SEMA6D: variants seen among roughly 807,000 people sequenced by gnomAD.
The protein encoded by SEMA6D is semaphorin 6D.
SEMA6D carries 35 observed loss-of-function variants against 106.6 expected under a neutral mutation model. The ratio of observed to expected loss-of-function variants is 0.33; its 90% confidence interval spans 0.25 to 0.44. The LOEUF (loss-of-function observed/expected upper bound fraction) is 0.44. SEMA6D is among the 20% of genes least tolerant of loss of function. The pLI is 1.00. For synonymous variants in SEMA6D, 499 were observed against 487.7 expected, an observed-to-expected ratio of 1.02 and a Z score of -0.31; for missense variants, 1,185 against 1,345.9, an observed-to-expected ratio of 0.88 and a Z score of 1.87.
At chr15:47,289,261 G>A (rs906449827) in intron 1 of SEMA6D, among the ~76,000 whole-genome samples, 1 of 151,738 alleles carries the variant, frequency 6.6e-6, no homozygotes, top group Non-Finnish European at 1.5e-5. Context: ...GGGTGTGGTG[G>A]CCTGCACCTG....
At chr15:47,299,451 TC>T (rs2035933387) in intron 1 of SEMA6D, among the ~76,000 whole-genome samples, 1 of 152,242 alleles carries the variant, frequency 6.6e-6, no homozygotes. Flanking sequence ...AATTTTGGAT[TC>T]CTTTTGGGTA....
chr15:47,500,689 C>G (rs774832881), intron 3 of SEMA6D, among the ~76,000 whole-genome samples: 1 of 152,124 alleles, frequency 6.6e-6, no homozygotes, highest in African/African-American at 2.4e-5. Flanking sequence ...AGTTGTAGAT[C>G]CATACTTTGA....
Position 47,764,991 on chromosome 15 carries a change from G to C in SEMA6D, c.1362G>C (p.Lys454Asn). The change falls in exon 13 of 19, where the codon AAG (lysine) becomes AAC (asparagine). Residue 454 changes from lysine (K) to asparagine (N), a missense_variant. By Grantham distance (94) the Lys-to-Asn change is moderately conservative (BLOSUM62 0). Transcript: ENST00000536845. ...EAGMVLKVLAKTSPFSLNDSV... is the reference protein window; with the variant it reads ...EAGMVLKVLANTSPFSLNDSV... ...GCATGGTACTTAAAGTTCTGGCAAA[G>C]ACCAGTCCTTTCTCTTTGAACGACA... 1 of 1,613,904 alleles carries C rather than the reference G, an allele frequency of 6.2e-7. No individual in the cohort carries two copies. Among genetic ancestry groups the C allele is most frequent in the East Asian group, 2.2e-5 (1 of 44,838 alleles).
intron 3 of SEMA6D, among the ~76,000 whole-genome samples, chr15:47,547,571 G>A (rs899215909): frequency 6.6e-5 from 10 of 152,012 alleles, no homozygotes; most frequent in Admixed American, 4.6e-4. Context: ...CATTTGGTAA[G>A]TCCCAATAAA....
At chr15:47,490,218 T>C (rs1276042081) in intron 3 of SEMA6D, among the ~76,000 whole-genome samples, 1 of 152,206 alleles carries the variant, frequency 6.6e-6, no homozygotes, top group African/African-American at 2.4e-5. Context: ...CTCCAGGACC[T>C]GGAGTAACCC....
At chr15:47,565,250 T>G (rs557117524) in intron 3 of SEMA6D, among the ~76,000 whole-genome samples, 1 of 152,300 alleles carries the variant, frequency 6.6e-6, no homozygotes, top group Admixed American at 6.5e-5. Flanking sequence ...GCACAGAGTT[T>G]GCTCCTGCTG....
chr15:47,364,944 C>G lies in SEMA6D; in HGVS notation c.-238-47449C>G, dbSNP rs181388031. Among the ~76,000 whole-genome samples the G allele has an allele frequency of 3.9e-5, 6 of 152,320 alleles. No homozygotes were observed. The East Asian group carries it at 1.2e-3, about 29-fold the overall frequency. On this transcript the variant is annotated intron_variant, in intron 1 of 19. Coordinates refer to the SEMA6D transcript ENST00000558014. ...AAACCACAAAAGATCAAAAGAAAAGCATGGTAGGCAAGAAATTACCCTTAT... is the reference window on the plus strand; with the variant it reads ...AAACCACAAAAGATCAAAAGAAAAGGATGGTAGGCAAGAAATTACCCTTAT...
intron 2 of SEMA6D, among the ~76,000 whole-genome samples, chr15:47,464,605 T>G (rs2042606300): frequency 6.6e-6 from 1 of 152,104 alleles, no homozygotes; most frequent in African/African-American, 2.4e-5. Flanking sequence ...GGTAGCTAAT[T>G]CCCTGCCACC....
intron 1 of SEMA6D, among the ~76,000 whole-genome samples, chr15:47,722,527 G>A (rs969219965): frequency 6.6e-6 from 1 of 151,750 alleles, no homozygotes; most frequent in Non-Finnish European, 1.5e-5. Context: ...GCTTGTTAAA[G>A]CAAGAATAAC....
intron 1 of SEMA6D, among the ~76,000 whole-genome samples, chr15:47,361,466 G>T (rs930648480): frequency 6.6e-6 from 1 of 152,160 alleles, no homozygotes; most frequent in African/African-American, 2.4e-5. Flanking sequence ...TATACTTCAT[G>T]GGCTTCTATT....
intron 1 of SEMA6D, among the ~76,000 whole-genome samples, chr15:47,379,683 G>T (rs917602797): frequency 3.3e-5 from 5 of 152,192 alleles, no homozygotes; most frequent in African/African-American, 1.2e-4. Flanking sequence ...TTTAATGAGA[G>T]AAATAGTCTT....
Position 47,659,040 on chromosome 15 carries a change from C to T in SEMA6D, c.-55+58144C>T, listed in dbSNP as rs150625675. ...TACTTTATCAGTATTGTAAATAGGT[C>T]GGTTTTCAAATTAATGAACTTATGG... On this transcript the variant is annotated intron_variant, in intron 4 of 19. Transcript: ENST00000558014. Among the ~76,000 whole-genome samples, 24 of 152,042 alleles carry T rather than the reference C, an allele frequency of 1.6e-4. No individual in the cohort carries two copies. The East Asian group carries it at 4.2e-3, about 27-fold the overall frequency.
chr15:47,546,924 G>C (rs1050883093), intron 3 of SEMA6D, among the ~76,000 whole-genome samples: 5 of 151,996 alleles, frequency 3.3e-5, no homozygotes, highest in Non-Finnish European at 5.9e-5. Flanking sequence ...ACCCAATTCT[G>C]TTTAGTGCTT....
chr15:47,191,178 CATATAT>C (rs71425589), intron 1 of SEMA6D, among the ~76,000 whole-genome samples: 1 of 148,612 alleles, frequency 6.7e-6, no homozygotes, highest in African/African-American at 2.5e-5. Context: ...TGTCTCAAAA[CATATAT>C]ATATATATAT....
intron 4 of SEMA6D, among the ~76,000 whole-genome samples, chr15:47,628,880 C>T (rs770238021): frequency 1.4e-4 from 21 of 151,958 alleles, no homozygotes; most frequent in Admixed American, 3.3e-4. Context: ...ACATGTAAGT[C>T]TGAAATTCAT....
At chr15:47,417,443 CAG>C (rs150136426) in intron 2 of SEMA6D, among the ~76,000 whole-genome samples, 89 of 128,884 alleles carry the variant, frequency 6.9e-4, no homozygotes, top group Non-Finnish European at 6.7e-4. Context: ...GTGTGTGTGT[CAG>C]AGAGAGAGAG....
At chr15:47,302,232 C>T (rs1722131504) in intron 1 of SEMA6D, among the ~76,000 whole-genome samples, 1 of 152,116 alleles carries the variant, frequency 6.6e-6, no homozygotes, top group South Asian at 2.1e-4. Context: ...TTTTTAAGAT[C>T]CTATAGTCGT....
At chr15:47,336,779 C>T (rs1203650716) in intron 1 of SEMA6D, among the ~76,000 whole-genome samples, 1 of 152,158 alleles carries the variant, frequency 6.6e-6, no homozygotes, top group African/African-American at 2.4e-5. Flanking sequence ...CTGTTGAATT[C>T]TATAGACATT....
chr15:47,426,427 A>G (rs190621267), intron 2 of SEMA6D, among the ~76,000 whole-genome samples: 3 of 152,278 alleles, frequency 2.0e-5, no homozygotes, highest in Non-Finnish European at 4.4e-5. Flanking sequence ...TTTGATCATC[A>G]GTACCCTGCA....
Sources: allele counts gnomAD v4.1 joint callset (sites outside exome capture counted in the v4.1 genomes callset), GRCh38; gene constraint gnomAD v4.1.1; transcripts MANE v1.5; gene names NCBI Gene and HGNC (gene_info 2026-07-23, HGNC 2026-07-21).